Variants in SPTLC2 observed in about 807,000 individuals in gnomAD.
SPTLC2 encodes the protein serine palmitoyltransferase long chain base subunit 2.
Under a neutral mutation model 62.0 loss-of-function variants are expected in SPTLC2, and 21 were observed. The observed-to-expected ratio is 0.34, with a 90% CI of 0.24 to 0.49. The LOEUF (loss-of-function observed/expected upper bound fraction) is 0.49, where lower values mean the gene tolerates loss of function less well. Ranked by LOEUF, SPTLC2 falls within the 20% of genes least tolerant of loss-of-function variation. SPTLC2 has a pLI of 0.99. For synonymous variants in SPTLC2, 261 were observed against 261.8 expected, an observed-to-expected ratio of 1.00 and a Z score of 0.03; for missense variants, 511 against 713.0, an observed-to-expected ratio of 0.72 and a Z score of 3.23.
At chr14:77,591,464 T>C (rs1467709493) in intron 2 of SPTLC2, among the ~76,000 whole-genome samples, 1 of 152,242 alleles carries the variant, frequency 6.6e-6, no homozygotes, top group Non-Finnish European at 1.5e-5. Flanking sequence ...ACACTTTAAA[T>C]AGGTAACCTT....
intron 9 of SPTLC2, among the ~76,000 whole-genome samples, chr14:77,525,442 T>C (rs1292501574): frequency 6.6e-6 from 1 of 150,632 alleles, no homozygotes; most frequent in African/African-American, 2.4e-5. Context: ...AATACAAAAT[T>C]AGCCAGGTGT....
chr14:77,543,639 GC>G (rs201542177), intron 9 of SPTLC2, among the ~76,000 whole-genome samples: 1 of 151,560 alleles, frequency 6.6e-6, no homozygotes, highest in Middle Eastern at 3.2e-3. Context: ...AATACAAGCA[GC>G]CCCCCCCAAA....
intron 9 of SPTLC2, among the ~76,000 whole-genome samples, chr14:77,529,412 C>T (rs974383834): frequency 2.6e-5 from 4 of 151,230 alleles, no homozygotes; most frequent in Non-Finnish European, 5.9e-5. Context: ...AAAACTGGAA[C>T]TTATATCTTA....
chr14:77,570,589 A>G (rs575515883), intron 4 of SPTLC2, 81 bp from the exon 5 acceptor site: 2 of 1,570,680 alleles, frequency 1.3e-6, no homozygotes, highest in East Asian at 2.3e-5. Flanking sequence ...AAGAAATCAT[A>G]GTATATGTGT....
At chr14:77,592,533 C>T (rs752899588) in intron 2 of SPTLC2, among the ~76,000 whole-genome samples, 3 of 152,120 alleles carry the variant, frequency 2.0e-5, no homozygotes, top group Non-Finnish European at 2.9e-5. Context: ...TGAAAATAAG[C>T]CTATTGGGAT....
chr14:77,552,244 A>C (rs376802085), intron 8 of SPTLC2, 22 bp from the exon 9 acceptor site: 1 of 1,613,648 alleles, frequency 6.2e-7, no homozygotes, highest in Non-Finnish European at 8.5e-7. Context: ...ACAGAGGCAG[A>C]TAAGTAGAGA....
rs150948786 is a variant in SPTLC2 at position 77,600,634 on chromosome 14, C to A, written c.133-3254G>T. 3.3e-3 allele frequency among the ~76,000 whole-genome samples: 502 copies of A among 152,254 alleles called. 4 individuals are homozygous for A. Among genetic ancestry groups the A allele is most frequent in the African/African-American group, 0.012 (480 of 41,548 alleles). On this transcript the variant is annotated intron_variant, in intron 1 of 11. Transcript: ENST00000216484. ...AAATAGTTAACACTTAATAACATTTCGTATCAGTCTGTTCACAGTCTGTTC... is the reference window on the plus strand; with the variant it reads ...AAATAGTTAACACTTAATAACATTTAGTATCAGTCTGTTCACAGTCTGTTC...
At position 77,562,509 on chromosome 14, in the gene SPTLC2, GAAA is replaced by G. The variant is rs1465492555; in HGVS notation, c.757-23_757-21del. 1 of 1,602,876 alleles carries G rather than the reference GAAA, an allele frequency of 6.2e-7. No individual in the cohort carries two copies. The highest frequency in any genetic ancestry group is 1.1e-5 in the South Asian group (1 of 90,808). On this transcript the variant is annotated intron_variant, in intron 5 of 11. Coordinates refer to ENST00000216484, the MANE Select transcript of SPTLC2 (RefSeq NM_004863.4). ...GCAACCCTGCAACATCACAGGAACA[GAAA>G]GGTAAGAAGCTGGAGGGGAAAGGGT... is the stretch of plus-strand genomic sequence containing the variant.
intron 4 of SPTLC2, among the ~76,000 whole-genome samples, chr14:77,576,557 T>C (rs759592858): frequency 6.6e-6 from 1 of 152,214 alleles, no homozygotes; most frequent in African/African-American, 2.4e-5. Context: ...TCTATATGTA[T>C]AACACATTGG....
At chr14:77,563,241 C>A (rs552264022) in intron 5 of SPTLC2, among the ~76,000 whole-genome samples, 1 of 152,012 alleles carries the variant, frequency 6.6e-6, no homozygotes, top group Admixed American at 6.6e-5. Context: ...CATGCTCCCA[C>A]GAGAATAAAA....
At chr14:77,599,341 TC>T (rs1230101564) in intron 1 of SPTLC2, among the ~76,000 whole-genome samples, 1 of 152,196 alleles carries the variant, frequency 6.6e-6, no homozygotes, top group Non-Finnish European at 1.5e-5. Context: ...TTTCTTGCCC[TC>T]TCAGGCAATC....
chr14:77,550,840 G>T (rs1405174320), intron 9 of SPTLC2, among the ~76,000 whole-genome samples: 6 of 150,980 alleles, frequency 4.0e-5, no homozygotes, highest in African/African-American at 1.5e-4. Context: ...GGAAGCGGAG[G>T]TTGCTGTGAG....
chr14:77,532,796 TA>T (rs1029648839), intron 9 of SPTLC2, among the ~76,000 whole-genome samples: 7 of 126,636 alleles, frequency 5.5e-5, no homozygotes, highest in African/African-American at 1.8e-4. Context: ...AAAATAAAAA[TA>T]AAAATAAAAA....
rs1254869490 is a variant in SPTLC2 at position 77,616,431 on chromosome 14, G to A, written c.132+17C>T. 1.1e-5 allele frequency: 15 copies of A among 1,415,126 alleles called. No homozygotes were observed. Among genetic ancestry groups the A allele is most frequent in the African/African-American group, 1.5e-5 (1 of 66,444 alleles). 87.7% of individuals were successfully genotyped at this position (1,415,126 alleles called of 1,614,324 possible). ...TCCACACCGCCACCCCGGCCCCGCC[G>A]CGCGGGCCCCTCGTACCTGGCCGGC... On this transcript the variant is annotated intron_variant, in intron 1 of 11. Coordinates refer to ENST00000216484, the MANE Select transcript of SPTLC2 (RefSeq NM_004863.4).
chr14:77,517,899 A>G (rs1045252925), intron 11 of SPTLC2, 139 bp downstream of exon 11: 4 of 1,370,546 alleles, frequency 2.9e-6, no homozygotes, highest in African/African-American at 1.4e-5. Flanking sequence ...GTAAATGCCA[A>G]TGTTTTTGGT....
chr14:77,581,407 T>C (rs561894396), intron 2 of SPTLC2, among the ~76,000 whole-genome samples: 162 of 87,758 alleles, frequency 1.8e-3, no homozygotes, highest in African/African-American at 6.9e-3. Flanking sequence ...CCATCTCTCT[T>C]TTTTTTTTTT....
At chr14:77,566,079 G>A (rs116201591) in intron 5 of SPTLC2, among the ~76,000 whole-genome samples, 2,114 of 151,862 alleles carry the variant, frequency 0.014, 63 homozygotes, top group African/African-American at 0.048. Flanking sequence ...CTTCCCCTCC[G>A]CACAAAATTT....
chr14:77,590,735 T>TA (rs1566789347), intron 2 of SPTLC2, among the ~76,000 whole-genome samples: 1 of 151,550 alleles, frequency 6.6e-6, no homozygotes, highest in African/African-American at 2.4e-5. Context: ...TAAATAAAAA[T>TA]AAAAATAAAT....
intron 2 of SPTLC2, 106 bp downstream of exon 2, chr14:77,597,080 A>G: frequency 3.6e-6 from 4 of 1,111,002 alleles, no homozygotes; most frequent in Non-Finnish European, 5.2e-6. Context: ...GGAATAGTTT[A>G]ATTTTAATGT....
Sources: gnomAD v4.1 joint callset for allele counts (sites outside exome capture counted in the v4.1 genomes callset) on GRCh38, gnomAD v4.1.1 for gene constraint, MANE v1.5 for transcripts, NCBI Gene and HGNC (gene_info 2026-07-23, HGNC 2026-07-21) for gene names.